B3GALT1: variants seen among roughly 807,000 people sequenced by gnomAD.
B3GALT1 encodes the protein beta-1,3-galactosyltransferase 1.
Under a neutral mutation model 23.2 loss-of-function variants are expected in B3GALT1, and 10 were observed. The observed-to-expected ratio is 0.43, with a 90% CI of 0.27 to 0.73. The LOEUF (loss-of-function observed/expected upper bound fraction) is 0.73. Among genes scored for constraint, B3GALT1 ranks in the 30% least tolerant of loss-of-function variants. B3GALT1 has a pLI of 0.21. For synonymous variants in B3GALT1, 156 were observed against 141.5 expected (o/e 1.10, Z -0.73); for missense variants, 299 against 405.4 (o/e 0.74, Z 2.25).
In B3GALT1 at chr2:167,523,426, C is replaced by CT. The variant is rs35173184; in HGVS notation, c.-410+33164dup. ...ACTATCAAAAGTTTCTTGTGTATCC[C>CT]TTTTTTTTTTTTTTTGAGACGGAGT... On this transcript the variant is annotated intron_variant, in intron 2 of 4. Transcript: ENST00000392690. Among the ~76,000 whole-genome samples the CT allele has an allele frequency of 5.4e-3, 762 of 141,132 alleles. 6 individuals are homozygous for CT. Among genetic ancestry groups the CT allele is most frequent in the Middle Eastern group, 0.022 (6 of 272 alleles). The allele number at this position is 141,132 out of a possible 152,430, so 92.6% of individuals were successfully genotyped here.
At chr2:167,616,691 T>C (rs1330738455) in intron 2 of B3GALT1, among the ~76,000 whole-genome samples, 1 of 150,858 alleles carries the variant, frequency 6.6e-6, no homozygotes, top group Non-Finnish European at 1.5e-5. Flanking sequence ...CAAGACCCTG[T>C]CTCAATAAAT....
At chr2:167,720,480 A>G (rs570602441) in intron 3 of B3GALT1, among the ~76,000 whole-genome samples, 1 of 152,290 alleles carries the variant, frequency 6.6e-6, no homozygotes, top group East Asian at 1.9e-4. Context: ...AATAAACACC[A>G]CTTGCATTAA....
intron 1 of B3GALT1, among the ~76,000 whole-genome samples, chr2:167,355,655 C>T (rs1330621533): frequency 6.6e-6 from 1 of 152,048 alleles, no homozygotes; most frequent in Non-Finnish European, 1.5e-5. Context: ...AAACTAGTCC[C>T]TGTCTTATGT....
Position 167,340,635 on chromosome 2 carries a change from C to T in B3GALT1, c.-511+47301C>T, listed in dbSNP as rs1444005470. 7.9e-5 allele frequency among the ~76,000 whole-genome samples: 12 copies of T among 152,294 alleles called. 1 individual carries two copies. The South Asian group carries it at 8.3e-4, about 11-fold the overall frequency. ...TCCAAAAATGGTCATGTCACCTTGA[C>T]GTAACTCTTTTCATGGCTCCTTTAA... is the stretch of plus-strand genomic sequence containing the variant. On this transcript the variant is annotated intron_variant, in intron 1 of 4. Transcript: ENST00000392690.
intron 3 of B3GALT1, among the ~76,000 whole-genome samples, chr2:167,696,425 G>T (rs1686793369): frequency 6.6e-6 from 1 of 151,638 alleles, no homozygotes; most frequent in African/African-American, 2.4e-5. Context: ...TGGTGATTAT[G>T]TTGTACTACT....
At chr2:167,807,899 G>T (rs1265988677) in intron 3 of B3GALT1, among the ~76,000 whole-genome samples, 1 of 151,934 alleles carries the variant, frequency 6.6e-6, no homozygotes, top group African/African-American at 2.4e-5. Context: ...GTTGACAGTG[G>T]GGTGTTAAAG....
chr2:167,604,379 G>A (rs1446637830), intron 2 of B3GALT1, among the ~76,000 whole-genome samples: 1 of 152,066 alleles, frequency 6.6e-6, no homozygotes, highest in Non-Finnish European at 1.5e-5. Flanking sequence ...CAAAAACAAG[G>A]GACATTATTG....
intron 1 of B3GALT1, among the ~76,000 whole-genome samples, chr2:167,464,947 C>T (rs1699321926): frequency 6.6e-6 from 1 of 151,982 alleles, no homozygotes; most frequent in African/African-American, 2.4e-5. Context: ...TTAAAGTATC[C>T]AAGTTGTTCT....
chr2:167,558,923 A>C (rs1375047658), intron 2 of B3GALT1, among the ~76,000 whole-genome samples: 1 of 152,332 alleles, frequency 6.6e-6, no homozygotes, highest in East Asian at 1.9e-4. Context: ...TGCAGACTTA[A>C]ATGTCCCTGT....
intron 2 of B3GALT1, among the ~76,000 whole-genome samples, chr2:167,526,026 T>C (rs1021367659): frequency 6.6e-6 from 1 of 152,114 alleles, no homozygotes; most frequent in African/African-American, 2.4e-5. Context: ...TGGATCATCT[T>C]GTACTTCCTT....
chr2:167,304,198 T>C (rs775929164), intron 1 of B3GALT1, among the ~76,000 whole-genome samples: 30 of 152,146 alleles, frequency 2.0e-4, no homozygotes, highest in Non-Finnish European at 3.8e-4. Flanking sequence ...GAGATAAAGC[T>C]CTCCTTCATG....
intron 1 of B3GALT1, among the ~76,000 whole-genome samples, chr2:167,471,509 G>T (rs1699417863): frequency 6.6e-6 from 1 of 152,132 alleles, no homozygotes. Context: ...AAACTAATGA[G>T]CTTTGGGGAA....
At chr2:167,601,135 C>T (rs111807991) in intron 2 of B3GALT1, among the ~76,000 whole-genome samples, 2,810 of 152,282 alleles carry the variant, frequency 0.018, 90 homozygotes, top group African/African-American at 0.057. Context: ...TCTCTGCTCA[C>T]TGCAACCTCT....
intron 2 of B3GALT1, among the ~76,000 whole-genome samples, chr2:167,525,918 G>C (rs1683211891): frequency 1.3e-5 from 2 of 151,990 alleles, no homozygotes; most frequent in South Asian, 4.1e-4. Flanking sequence ...ATCTAGCCTG[G>C]TGGAAGTTCT....
intron 3 of B3GALT1, chr2:167,715,094 A>G: frequency 6.2e-7 from 1 of 1,613,350 alleles, no homozygotes. Flanking sequence ...TTTTAAAGAA[A>G]CATTTAAGTT....
intron 2 of B3GALT1, among the ~76,000 whole-genome samples, chr2:167,568,449 GTC>G (rs1025199974): frequency 2.0e-5 from 3 of 151,986 alleles, no homozygotes; most frequent in African/African-American, 7.2e-5. Flanking sequence ...ATAGGTAGTG[GTC>G]TCTCACTGGT....
chr2:167,655,969 A>G (rs1685948905), intron 3 of B3GALT1, among the ~76,000 whole-genome samples: 1 of 152,280 alleles, frequency 6.6e-6, no homozygotes, highest in African/African-American at 2.4e-5. Context: ...TTCAATTTAG[A>G]AAGTGTCGAA....
intron 3 of B3GALT1, among the ~76,000 whole-genome samples, chr2:167,707,244 A>C (rs562874944): frequency 5.3e-5 from 8 of 152,248 alleles, no homozygotes; most frequent in Non-Finnish European, 1.2e-4. Flanking sequence ...AGCCCTGCTC[A>C]AATTATAGGT....
intron 1 of B3GALT1, among the ~76,000 whole-genome samples, chr2:167,377,216 A>AT (rs2105273621): frequency 6.6e-6 from 1 of 151,982 alleles, no homozygotes; most frequent in South Asian, 2.1e-4. Flanking sequence ...TATAATTTTG[A>AT]TTTTTTTGAA....
Sources: allele counts gnomAD v4.1 joint callset (sites outside exome capture counted in the v4.1 genomes callset), GRCh38; gene constraint gnomAD v4.1.1; transcripts MANE v1.5; gene names NCBI Gene and HGNC (gene_info 2026-07-23, HGNC 2026-07-21).